Variants in AACS observed in about 807,000 individuals in gnomAD.
AACS encodes the protein acetoacetate-CoA ligase.
A neutral mutation model predicts 83.1 loss-of-function variants in AACS; 69 were observed. That is an observed-to-expected ratio of 0.83 (90% confidence interval 0.68 to 1.01). The LOEUF (loss-of-function observed/expected upper bound fraction) is 1.01. AACS is among the 50% of genes least tolerant of loss of function. The pLI is 0.00. For synonymous variants in AACS, 333 were observed against 343.4 expected, an observed-to-expected ratio of 0.97 and a Z score of 0.33; for missense variants, 866 against 882.2, an observed-to-expected ratio of 0.98 and a Z score of 0.23.
chr12:125,143,156 G>C lies in AACS; in HGVS notation c.*927G>C, dbSNP rs537053750. On this transcript the variant is annotated 3_prime_UTR_variant, in exon 18 of 18. Transcript: ENST00000316519. ...GTTGGTATGTACAATTCAGTTCAGC[G>C]TATGAACTTGTATCTCTAATCTGAT... The C allele has an allele frequency of 1.3e-5, 2 of 152,232 alleles. No individual in the cohort carries two copies. Among genetic ancestry groups the C allele is most frequent in the African/African-American group, 2.4e-5 (1 of 41,458 alleles). The allele number at this position is 152,232 out of a possible 1,614,324, so 9.4% of individuals were successfully genotyped here.
intron 8 of AACS, 109 bp downstream of exon 8, chr12:125,107,377 C>T (rs977841990): frequency 1.7e-5 from 24 of 1,429,502 alleles, no homozygotes; most frequent in African/African-American, 1.7e-4. Context: ...ACCCCATCCC[C>T]GGAGAGTCCA....
At chr12:125,118,598 C>T (rs769043438) in intron 9 of AACS, 43 bp from the exon 10 acceptor site, 13 of 1,608,770 alleles carry the variant, frequency 8.1e-6, no homozygotes, top group Non-Finnish European at 1.0e-5. Flanking sequence ...CTGGGGGGAG[C>T]TGCCTAGCGC....
intron 2 of AACS, 93 bp from the exon 3 acceptor site, chr12:125,076,398 C>A: frequency 6.5e-7 from 1 of 1,533,584 alleles, no homozygotes; most frequent in African/African-American, 1.4e-5. Context: ...GAAGAAGAAC[C>A]ACTTTTGCTG....
In AACS at chr12:125,136,805, C is replaced by T. The variant is rs200011381; in HGVS notation, c.1822C>T (p.Arg608Cys). 146 of 1,614,058 alleles carry T rather than the reference C, an allele frequency of 9.0e-5. 1 individual carries two copies. In the South Asian group the frequency reaches 9.3e-4, roughly 10 times the overall value. ...DLVKRIRDAI[R>C]MGLSARHVPS... ...GGTTAAGAGGATCCGTGACGCCATCCGCATGGGCTTGTCTGCGCGACACGT... is the reference window on the plus strand; with the variant it reads ...GGTTAAGAGGATCCGTGACGCCATCTGCATGGGCTTGTCTGCGCGACACGT... Residue 608 changes from arginine to cysteine, a missense_variant, in exon 17 of 18, where the codon CGC (arginine) becomes TGC (cysteine). By Grantham distance (180) the Arg-to-Cys change is radical. Transcript: ENST00000316519.
chr12:125,115,878 C>A (rs959112703), intron 9 of AACS, among the ~76,000 whole-genome samples: 18 of 151,844 alleles, frequency 1.2e-4, no homozygotes, highest in Non-Finnish European at 2.4e-4. Flanking sequence ...AAGGGTCAGA[C>A]CCCTGAGACC....
At chr12:125,103,957 C>T (rs549469251) in intron 7 of AACS, among the ~76,000 whole-genome samples, 1 of 119,308 alleles carries the variant, frequency 8.4e-6, no homozygotes, top group Admixed American at 1.2e-4. Context: ...CACTGCACTC[C>T]AGCCTGGGCA....
At chr12:125,093,829 G>A (rs540486965) in intron 5 of AACS, among the ~76,000 whole-genome samples, 1 of 152,336 alleles carries the variant, frequency 6.6e-6, no homozygotes, top group South Asian at 2.1e-4. Context: ...TGTGACGCAC[G>A]TTACTCGCAC....
rs1957406619 is a variant in AACS, at chr12:125,136,789, G to C, written c.1806G>C (p.Arg602Ser). 1.2e-6 allele frequency: 2 copies of C among 1,614,072 alleles called. No homozygotes were observed. Among genetic ancestry groups the C allele is most frequent in the Non-Finnish European group, 1.7e-6 (2 of 1,180,034 alleles). Reference protein sequence around the residue: ...GHAFQPDLVKRIRDAIRMGLS... With the variant: ...GHAFQPDLVKSIRDAIRMGLS... ...CCTTCCAGCCTGACTTGGTTAAGAG[G>C]ATCCGTGACGCCATCCGCATGGGCT... Residue 602 changes from arginine to serine, a missense_variant, in exon 17 of 18, where the codon AGG becomes AGC. Coordinates refer to ENST00000316519, the MANE Select transcript of AACS (RefSeq NM_023928.5).
chr12:125,128,602 G>C (rs186774433), intron 13 of AACS: 31 of 199,196 alleles, frequency 1.6e-4, no homozygotes, highest in Admixed American at 1.2e-3. Context: ...GAGCTTCTGA[G>C]AACCTGGTCA....
intron 3 of AACS, chr12:125,078,120 G>A (rs1176239274): frequency 1.3e-5 from 6 of 456,112 alleles, no homozygotes; most frequent in African/African-American, 6.0e-5. Context: ...CCAAACCACT[G>A]GAAACAGGCA....
chr12:125,089,290 G>C (rs76653758), intron 4 of AACS, among the ~76,000 whole-genome samples: 2,780 of 152,252 alleles, frequency 0.018, 80 homozygotes, highest in African/African-American at 0.063. Flanking sequence ...AGTCGCGTGT[G>C]AATCCAGACA....
At chr12:125,110,847 A>G (rs1956939691) in intron 8 of AACS, among the ~76,000 whole-genome samples, 1 of 152,226 alleles carries the variant, frequency 6.6e-6, no homozygotes, top group African/African-American at 2.4e-5. Context: ...AAATATTTAC[A>G]TTGGAATCAT....
Position 125,142,316 on chromosome 12 carries a change from G to A in AACS, c.*87G>A, listed in dbSNP as rs570858306. ...AGAAATTATACAGAAACCTACAGCT[G>A]TTGTAAAAGGATGCTCGCACCAAGT... On this transcript the variant is annotated 3_prime_UTR_variant, in exon 18 of 18. Coordinates refer to ENST00000316519, the MANE Select transcript of AACS (RefSeq NM_023928.5). 1.3e-6 allele frequency: 2 copies of A among 1,544,146 alleles called. No individual in the cohort carries two copies. The highest frequency in any genetic ancestry group is 2.8e-5 in the African/African-American group (2 of 72,580).
intron 1 of AACS, among the ~76,000 whole-genome samples, chr12:125,066,952 G>A (rs1021813227): frequency 7.2e-5 from 11 of 152,092 alleles, no homozygotes; most frequent in African/African-American, 2.7e-4. Flanking sequence ...AGGGGTTCTG[G>A]GGCCTCCTTT....
intron 9 of AACS, among the ~76,000 whole-genome samples, chr12:125,116,960 T>C (rs1166656883): frequency 2.6e-5 from 4 of 151,842 alleles, no homozygotes; most frequent in African/African-American, 7.3e-5. Context: ...CTTTCTTGTT[T>C]TCTTTTGACA....
At chr12:125,108,983 C>T (rs1212667261) in intron 8 of AACS, among the ~76,000 whole-genome samples, 1 of 150,790 alleles carries the variant, frequency 6.6e-6, no homozygotes, top group Non-Finnish European at 1.5e-5. Flanking sequence ...AGATGTGAGC[C>T]ACCCATGCTC....
In AACS at chr12:125,097,606, A is replaced by T. The variant is rs1412618454; in HGVS notation, c.571-5073A>T. 6.6e-6 allele frequency among the ~76,000 whole-genome samples: 1 copy of T among 152,014 alleles called. No homozygotes were observed. Among genetic ancestry groups the T allele is most frequent in the Non-Finnish European group, 1.5e-5 (1 of 67,988 alleles). On this transcript the variant is annotated intron_variant, in intron 5 of 17. Transcript: ENST00000316519. This position sits in a 1 kb window ranked among gnomAD's most constrained non-coding sequence, Gnocchi z 4.3. ...CTGCGCCTCCTCCCGTGCCTTCCGC[A>T]GTGGCCAAGGTGTTCAGCTGGAGGA...
chr12:125,139,169 A>G (rs1957442178), intron 17 of AACS: 1 of 152,248 alleles, frequency 6.6e-6, no homozygotes, highest in Non-Finnish European at 1.5e-5. Flanking sequence ...GTGAGGGCTC[A>G]GGAGAGATCT....
rs1414256977 is a variant in AACS, at chr12:125,097,207, ACCTC to A, written c.571-5471_571-5468del. Among the ~76,000 whole-genome samples, 1 of 151,800 alleles carries A rather than the reference ACCTC, an allele frequency of 6.6e-6. No homozygotes were observed. Among genetic ancestry groups the A allele is most frequent in the African/African-American group, 2.4e-5 (1 of 41,312 alleles). On this transcript the variant is annotated intron_variant, in intron 5 of 17. Coordinates refer to ENST00000316519, the MANE Select transcript of AACS (RefSeq NM_023928.5). This position sits in a 1 kb window ranked among gnomAD's most constrained non-coding sequence, Gnocchi z 4.3. ...CACCATTTTGGGGCTTTCTGCAACCACCTCTGTGTAGCAGTTTAGAGCAGAAGAA... is the reference window on the plus strand; with the variant it reads ...CACCATTTTGGGGCTTTCTGCAACCATGTGTAGCAGTTTAGAGCAGAAGAA...
Sources: gnomAD v4.1 joint callset for allele counts (sites outside exome capture counted in the v4.1 genomes callset) on GRCh38, gnomAD v4.1.1 for gene constraint, Gnocchi (gnomAD v3.1) non-coding constraint, MANE v1.5 for transcripts, NCBI Gene and HGNC (gene_info 2026-07-23, HGNC 2026-07-21) for gene names.